The following OLFM1 variants were observed in gnomAD, a reference collection of about 807,000 sequenced individuals.
The protein encoded by OLFM1 is noelin.
OLFM1 carries 9 observed loss-of-function variants against 49.7 expected under a neutral mutation model. That is an observed-to-expected ratio of 0.18 (90% confidence interval 0.11 to 0.32). The LOEUF is 0.32. Among genes scored for constraint, OLFM1 ranks in the 10% least tolerant of loss-of-function variants. OLFM1 has a pLI of 1.00. For synonymous variants in OLFM1, 240 were observed against 271.8 expected (o/e 0.88, Z 1.15); for missense variants, 369 against 661.8 (o/e 0.56, Z 4.85).
At chr9:135,077,369 C>A in intron 1 of OLFM1, 5 of 1,075,442 alleles carry the variant, frequency 4.6e-6, no homozygotes, top group Non-Finnish European at 6.1e-6. Context: ...ATGCCCAGGC[C>A]AAAAGATGCT....
chr9:135,110,533 C>T lies in OLFM1; in HGVS notation c.783+3678C>T, dbSNP rs115210309. Among the ~76,000 whole-genome samples the T allele has an allele frequency of 7.6e-3, 1,158 of 152,296 alleles. 9 individuals carry two copies. The highest frequency in any genetic ancestry group is 0.024 in the African/African-American group (1,011 of 41,540). On this transcript the variant is annotated intron_variant, in intron 5 of 5. Coordinates refer to ENST00000371793, the MANE Select transcript of OLFM1 (RefSeq NM_001282611.2). ...CCATCTAGATATTTTATAAGGATCC[C>T]ACGGAATCTTTTTTTCCAGAAGGTG...
rs961674629 is a variant in OLFM1 at position 135,088,462 on chromosome 9, C to A, written c.150+323C>A. Among the ~76,000 whole-genome samples the A allele has an allele frequency of 2.6e-5, 4 of 152,032 alleles. No individual in the cohort carries two copies. The highest frequency in any genetic ancestry group is 9.7e-5 in the African/African-American group (4 of 41,396). Reference sequence around the variant, plus strand: ...GGAGTCCTGGGTCAGTAATCATGAGCCCCCCATTGAAAAGGTTAGGAAACT... The same window carrying A: ...GGAGTCCTGGGTCAGTAATCATGAGACCCCCATTGAAAAGGTTAGGAAACT... On this transcript the variant is annotated intron_variant, in intron 1 of 5. Transcript: ENST00000371793. This position sits in a 1 kb window ranked among gnomAD's most constrained non-coding sequence, Gnocchi z 4.8.
At position 135,091,653 on chromosome 9, in the gene OLFM1, T is replaced by TCTCA. The variant is rs1564270713; in HGVS notation, c.300+1310_300+1311insTCAC. On this transcript the variant is annotated intron_variant, in intron 2 of 5. Coordinates refer to ENST00000371793, the MANE Select transcript of OLFM1 (RefSeq NM_001282611.2). ...CACATAGTCACACACACTCACATAG[T>TCTCA]CACACACACACAGTCACACACTCAC... Among the ~76,000 whole-genome samples the TCTCA allele has an allele frequency of 4.3e-3, 97 of 22,318 alleles. 1 individual carries two copies. The highest frequency in any genetic ancestry group is 0.02 in the African/African-American group (88 of 4,304). The allele number at this position is 22,318 out of a possible 152,430, so 14.6% of individuals were successfully genotyped here.
At chr9:135,115,950 G>T (rs1831090409) in intron 5 of OLFM1, among the ~76,000 whole-genome samples, 1 of 152,220 alleles carries the variant, frequency 6.6e-6, no homozygotes, top group Non-Finnish European at 1.5e-5. Context: ...TCCGCTCTTG[G>T]CCTTTTGCTG....
At chr9:135,102,715 G>C (rs765775260) in intron 4 of OLFM1, among the ~76,000 whole-genome samples, 89 of 152,308 alleles carry the variant, frequency 5.8e-4, no homozygotes, top group East Asian at 1.4e-3. Flanking sequence ...TCCCAGCTTT[G>C]CAGACTTCTT....
intron 5 of OLFM1, among the ~76,000 whole-genome samples, chr9:135,110,591 G>A (rs1295875163): frequency 6.6e-6 from 1 of 152,198 alleles, no homozygotes; most frequent in East Asian, 1.9e-4. Flanking sequence ...CCGTGTGGGT[G>A]CAGGCAGTGA....
rs574444081 is a variant in OLFM1, at chr9:135,100,951, G to A, written c.676+2446G>A. On this transcript the variant is annotated intron_variant, in intron 4 of 5. Coordinates refer to ENST00000371793, the MANE Select transcript of OLFM1 (RefSeq NM_001282611.2). ...TTGATTGATTGATTGATTGATAGAT[G>A]ATTGACACATAGATAGAGTTAGCAG... Among the ~76,000 whole-genome samples, 10 of 152,044 alleles carry A rather than the reference G, an allele frequency of 6.6e-5. No individual in the cohort carries two copies. The East Asian group carries it at 1.9e-3, about 29-fold the overall frequency.
intron 5 of OLFM1, among the ~76,000 whole-genome samples, chr9:135,116,932 G>T (rs750029628): frequency 6.6e-6 from 1 of 151,078 alleles, no homozygotes; most frequent in Non-Finnish European, 1.5e-5. Context: ...TGTAAGTATC[G>T]AATGGATGTC....
At chr9:135,082,088 C>A (rs1205930955) in intron 1 of OLFM1, among the ~76,000 whole-genome samples, 1 of 152,264 alleles carries the variant, frequency 6.6e-6, no homozygotes, top group African/African-American at 2.4e-5. Flanking sequence ...TGTTAGCAGA[C>A]CTGCTCGCCC....
intron 5 of OLFM1, among the ~76,000 whole-genome samples, chr9:135,111,048 GA>G (rs2119135909): frequency 6.6e-6 from 1 of 152,348 alleles, no homozygotes; most frequent in South Asian, 2.1e-4. Context: ...GGAAGCTGAT[GA>G]AAGTAATCGG....
At chr9:135,079,799 A>G (rs889583249) in intron 1 of OLFM1, among the ~76,000 whole-genome samples, 4 of 152,078 alleles carry the variant, frequency 2.6e-5, no homozygotes, top group African/African-American at 9.7e-5. Flanking sequence ...TTCCTAAAAC[A>G]TGACACCCCT....
intron 1 of OLFM1, among the ~76,000 whole-genome samples, chr9:135,089,648 G>C (rs568790931): frequency 6.6e-6 from 1 of 152,334 alleles, no homozygotes; most frequent in South Asian, 2.1e-4. Context: ...CTGTAGCTCG[G>C]GGTTCATCAC....
chr9:135,110,979 A>C (rs1831014571), intron 5 of OLFM1, among the ~76,000 whole-genome samples: 1 of 152,248 alleles, frequency 6.6e-6, no homozygotes, highest in Admixed American at 6.5e-5. Context: ...TTGGGACGGC[A>C]GTGCCAGATC....
chr9:135,095,561 C>T (rs1830778814), intron 2 of OLFM1, among the ~76,000 whole-genome samples: 1 of 148,924 alleles, frequency 6.7e-6, no homozygotes, highest in African/African-American at 2.5e-5. Flanking sequence ...AGAAATCACC[C>T]AGCCTGTGCC....
chr9:135,075,818 G>T (rs758587490), intron 1 of OLFM1: 6 of 1,592,684 alleles, frequency 3.8e-6, no homozygotes, highest in Non-Finnish European at 5.1e-6. Flanking sequence ...TGCATCCAAC[G>T]CCATTTTCCT....
At chr9:135,094,103 A>AG (rs1830751944) in intron 2 of OLFM1, among the ~76,000 whole-genome samples, 1 of 152,002 alleles carries the variant, frequency 6.6e-6, no homozygotes, top group South Asian at 2.1e-4. Flanking sequence ...TTTTGCCAGG[A>AG]GGGGAATGGA....
At chr9:135,075,525 G>A in exon 1 of OLFM1, 1 of 228,536 alleles carries the variant, frequency 4.4e-6, no homozygotes, top group Non-Finnish European at 8.3e-6. Flanking sequence ...GAACCGGGAC[G>A]CGATAAATAT....
Position 135,088,067 on chromosome 9 carries a change from G to A in OLFM1, c.78G>A (p.Leu26=). Residue 26 remains leucine (L), a synonymous_variant, in exon 1 of 6, where the codon CTG becomes CTA. Coordinates refer to ENST00000371793, the MANE Select transcript of OLFM1 (RefSeq NM_001282611.2). This position sits in a 1 kb window ranked among gnomAD's most constrained non-coding sequence, Gnocchi z 4.8. ...AMITNWMSQT[L]PSLVGLNTTK... The stretch of plus-strand genomic sequence containing the variant: ...TCACTAACTGGATGTCCCAGACGCT[G>A]CCCTCGCTGGTGGGCCTCAACACCA... 1 of 1,449,788 alleles carries A rather than the reference G, an allele frequency of 6.9e-7. No individual in the cohort carries two copies. The highest frequency in any genetic ancestry group is 9.2e-7 in the Non-Finnish European group (1 of 1,089,146). The allele number at this position is 1,449,788 out of a possible 1,614,324, so 89.8% of individuals were successfully genotyped here. A position where few individuals can be genotyped will look rare whatever the true frequency, so the allele number is the denominator to read the frequency against.
At chr9:135,089,718 G>C (rs1297260481) in intron 1 of OLFM1, among the ~76,000 whole-genome samples, 1 of 152,210 alleles carries the variant, frequency 6.6e-6, no homozygotes, top group African/African-American at 2.4e-5. Context: ...TCGTCTGCAA[G>C]TGTCAGGGAA....
Sources: gnomAD v4.1 joint callset for allele counts (sites outside exome capture counted in the v4.1 genomes callset) on GRCh38, gnomAD v4.1.1 for gene constraint, Gnocchi (gnomAD v3.1) non-coding constraint, MANE v1.5 for transcripts, NCBI Gene and HGNC (gene_info 2026-07-23, HGNC 2026-07-21) for gene names.